Variants in CNTNAP2 observed in about 807,000 individuals in gnomAD.
CNTNAP2 encodes the protein contactin associated protein 2.
Under a neutral mutation model 155.2 loss-of-function variants are expected in CNTNAP2, and 98 were observed. The observed-to-expected ratio is 0.63, with a 90% CI of 0.54 to 0.75. The LOEUF (loss-of-function observed/expected upper bound fraction) is 0.75, where lower values mean the gene tolerates loss of function less well. CNTNAP2 is among the 30% of genes least tolerant of loss of function. The pLI, the probability that CNTNAP2 is intolerant of heterozygous loss-of-function variation, is 0.00. For synonymous variants in CNTNAP2, 651 were observed against 631.2 expected (o/e 1.03, Z -0.47); for missense variants, 1,727 against 1,688.1 (o/e 1.02, Z -0.40).
chr7:148,396,748 A>G (rs74720213), intron 22 of CNTNAP2, among the ~76,000 whole-genome samples: 1,630 of 152,360 alleles, frequency 0.011, 33 homozygotes, highest in African/African-American at 0.037. Flanking sequence ...TAGACTATTC[A>G]GAAATTCTAA....
At chr7:146,192,372 A>G (rs1448608799) in intron 1 of CNTNAP2, among the ~76,000 whole-genome samples, 1 of 152,188 alleles carries the variant, frequency 6.6e-6, no homozygotes, top group Non-Finnish European at 1.5e-5. Flanking sequence ...GCCTGTTCTC[A>G]TGCTGCTAAT....
chr7:147,902,107 C>T (rs1462204339), intron 13 of CNTNAP2, among the ~76,000 whole-genome samples: 1 of 152,120 alleles, frequency 6.6e-6, no homozygotes, highest in East Asian at 1.9e-4. Flanking sequence ...GTTCATGGCC[C>T]ATACACCTTC....
At chr7:148,176,300 CA>C (rs1331853593) in intron 18 of CNTNAP2, among the ~76,000 whole-genome samples, 1 of 140,122 alleles carries the variant, frequency 7.1e-6, no homozygotes, top group Non-Finnish European at 1.5e-5. Context: ...TGGCTCACTG[CA>C]ACCTCTGCCT....
intron 12 of CNTNAP2, among the ~76,000 whole-genome samples, chr7:147,622,643 G>C (rs992351430): frequency 1.3e-5 from 2 of 151,968 alleles, no homozygotes; most frequent in African/African-American, 4.8e-5. Flanking sequence ...GCAGTACTAA[G>C]AGGAAAGTTT....
At chr7:147,685,801 G>C (rs1796008963) in intron 13 of CNTNAP2, among the ~76,000 whole-genome samples, 1 of 151,966 alleles carries the variant, frequency 6.6e-6, no homozygotes, top group South Asian at 2.1e-4. Context: ...GTTAAAATTT[G>C]AACAGAAATT....
In CNTNAP2 at chr7:147,601,617, T is replaced by C. The variant is rs960246542; in HGVS notation, c.1898-37489T>C. Reference sequence around the variant, plus strand: ...TGACAAGTATATTTTAGTATGTATCTCTTAAAGACATTGACTCTTAAAAAA... The same window carrying C: ...TGACAAGTATATTTTAGTATGTATCCCTTAAAGACATTGACTCTTAAAAAA... On this transcript the variant is annotated intron_variant, in intron 12 of 23. Transcript: ENST00000361727. 2.3e-5 allele frequency among the ~76,000 whole-genome samples: 3 copies of C among 132,978 alleles called. 1 individual carries two copies. Among genetic ancestry groups the C allele is most frequent in the African/African-American group, 8.5e-5 (3 of 35,304 alleles). The allele number at this position is 132,978 out of a possible 152,430, so 87.2% of individuals were successfully genotyped here. A position where few individuals can be genotyped will look rare whatever the true frequency, so the allele number is the denominator to read the frequency against.
chr7:148,293,744 A>G (rs1433460249), intron 21 of CNTNAP2, among the ~76,000 whole-genome samples: 1 of 152,084 alleles, frequency 6.6e-6, no homozygotes, highest in Non-Finnish European at 1.5e-5. Context: ...CAGCTTTAGA[A>G]TCCAAAACCC....
At chr7:147,795,133 C>T (rs1386259013) in intron 13 of CNTNAP2, among the ~76,000 whole-genome samples, 1 of 151,662 alleles carries the variant, frequency 6.6e-6, no homozygotes, top group Non-Finnish European at 1.5e-5. Context: ...TCTTGCCTAG[C>T]ATTTAGTTTG....
chr7:147,318,914 A>G (rs956679323), intron 9 of CNTNAP2, among the ~76,000 whole-genome samples: 1 of 152,186 alleles, frequency 6.6e-6, no homozygotes, highest in East Asian at 1.9e-4. Flanking sequence ...AATTTTTTCT[A>G]ATTTTACATA....
chr7:147,925,490 G>A (rs2710080), intron 14 of CNTNAP2, among the ~76,000 whole-genome samples: 11,548 of 150,910 alleles, frequency 0.077, 629 homozygotes, highest in African/African-American at 0.14. Flanking sequence ...TTTTTGAGAC[G>A]GAGTCTCGCT....
At chr7:146,158,615 A>T (rs1798166261) in intron 1 of CNTNAP2, among the ~76,000 whole-genome samples, 2 of 152,220 alleles carry the variant, frequency 1.3e-5, no homozygotes, top group South Asian at 4.1e-4. Context: ...TCAGTAGCCA[A>T]TTCAATCAAG....
At chr7:147,259,476 ATC>A (rs769397028) in intron 8 of CNTNAP2, among the ~76,000 whole-genome samples, 2 of 152,218 alleles carry the variant, frequency 1.3e-5, no homozygotes, top group South Asian at 4.1e-4. Flanking sequence ...GAAAAATAAG[ATC>A]TGAGTTTTCT....
intron 8 of CNTNAP2, among the ~76,000 whole-genome samples, chr7:147,231,711 T>C (rs1252303500): frequency 1.3e-5 from 2 of 152,210 alleles, no homozygotes; most frequent in African/African-American, 4.8e-5. Flanking sequence ...CATATACCTG[T>C]TGGCCATTTA....
intron 1 of CNTNAP2, among the ~76,000 whole-genome samples, chr7:146,361,793 A>T (rs1415951009): frequency 7.1e-6 from 1 of 141,314 alleles, no homozygotes. Flanking sequence ...AATGTCGGTT[A>T]TGGAAGCTCA....
At position 146,983,018 on chromosome 7, in the gene CNTNAP2, A is replaced by G. The variant is rs577059026; in HGVS notation, c.403-60889A>G. On this transcript the variant is annotated intron_variant, in intron 3 of 23. Coordinates refer to ENST00000361727, the MANE Select transcript of CNTNAP2 (RefSeq NM_014141.6). Reference sequence around the variant, plus strand: ...AATTCAGATTCATTGTTAAACCACAATATTAAAGTACACTGTTAACATAAT... The same window carrying G: ...AATTCAGATTCATTGTTAAACCACAGTATTAAAGTACACTGTTAACATAAT... 1.5e-4 allele frequency among the ~76,000 whole-genome samples: 23 copies of G among 152,298 alleles called. No individual in the cohort carries two copies. In the East Asian group the frequency reaches 4.3e-3, roughly 28 times the overall value.
intron 1 of CNTNAP2, among the ~76,000 whole-genome samples, chr7:146,145,034 T>C (rs370058565): frequency 2.6e-4 from 40 of 152,094 alleles, no homozygotes; most frequent in African/African-American, 8.0e-4. Context: ...TGTCCAAACG[T>C]TGGAATTTGG....
chr7:148,069,865 G>A (rs1803349607), intron 15 of CNTNAP2, among the ~76,000 whole-genome samples: 1 of 152,002 alleles, frequency 6.6e-6, no homozygotes, highest in South Asian at 2.1e-4. Flanking sequence ...GGTGAAAAAT[G>A]TGTGCCTAAT....
chr7:148,136,796 A>G (rs1804960537), intron 16 of CNTNAP2, among the ~76,000 whole-genome samples: 1 of 152,182 alleles, frequency 6.6e-6, no homozygotes, highest in Non-Finnish European at 1.5e-5. Flanking sequence ...CTAAATCGTA[A>G]CAAAAGTAAA....
chr7:147,633,246 G>A (rs1356026659), intron 12 of CNTNAP2, among the ~76,000 whole-genome samples: 1 of 152,224 alleles, frequency 6.6e-6, no homozygotes, highest in Non-Finnish European at 1.5e-5. Context: ...TTCACATGAT[G>A]TTGGGCCTGT....
Sources: allele counts gnomAD v4.1 joint callset (sites outside exome capture counted in the v4.1 genomes callset), GRCh38; gene constraint gnomAD v4.1.1; transcripts MANE v1.5; gene names NCBI Gene and HGNC (gene_info 2026-07-23, HGNC 2026-07-21).